DAB2IP: variants seen among roughly 807,000 people sequenced by gnomAD.
The protein encoded by DAB2IP is DAB2 interacting protein, also known as disabled homolog 2-interacting protein.
Under a neutral mutation model 107.2 loss-of-function variants are expected in DAB2IP, and 28 were observed. That is an observed-to-expected ratio of 0.26 (90% CI 0.19 to 0.36). The LOEUF (loss-of-function observed/expected upper bound fraction) is 0.36. Ranked by LOEUF, DAB2IP falls within the 10% of genes least tolerant of loss-of-function variation. The pLI is 1.00. For synonymous variants in DAB2IP, 755 were observed against 706.4 expected, an observed-to-expected ratio of 1.07 and a Z score of -1.09; for missense variants, 1,400 against 1,644.7, an observed-to-expected ratio of 0.85 and a Z score of 2.57.
chr9:121,707,383 CT>C (rs968026321), intron 3 of DAB2IP, among the ~76,000 whole-genome samples: 24 of 152,208 alleles, frequency 1.6e-4, no homozygotes, highest in Non-Finnish European at 3.2e-4. Context: ...TGGTACATTA[CT>C]GCATCAGATG....
At chr9:121,706,890 G>A (rs1291326412) in intron 3 of DAB2IP, among the ~76,000 whole-genome samples, 1 of 152,196 alleles carries the variant, frequency 6.6e-6, no homozygotes, top group Non-Finnish European at 1.5e-5. Context: ...AGGGGCGATG[G>A]GGTGAAAACC....
At chr9:121,573,359 G>A (rs1829994511) in intron 1 of DAB2IP, among the ~76,000 whole-genome samples, 1 of 151,940 alleles carries the variant, frequency 6.6e-6, no homozygotes, top group African/African-American at 2.4e-5. Flanking sequence ...TTACAGGCGT[G>A]AGCCACCGTG....
chr9:121,674,251 A>G (rs1833797938), intron 1 of DAB2IP, among the ~76,000 whole-genome samples: 1 of 152,138 alleles, frequency 6.6e-6, no homozygotes, highest in East Asian at 1.9e-4. Context: ...GCCAAACCAC[A>G]TGGAAGTTGA....
rs1157216810 is a variant in DAB2IP, at chr9:121,633,017, C to A, written c.41-45661C>A. On this transcript the variant is annotated intron_variant, in intron 1 of 16. Transcript: ENST00000259371. This position sits in a 1 kb window ranked among gnomAD's most constrained non-coding sequence, Gnocchi z 5.1. Reference sequence around the variant, plus strand: ...CTGCTCAGCTTCCCTCTCTCCCAGACTGAGGGGTTCCAGCTGCTCCGGGCA... The same window carrying A: ...CTGCTCAGCTTCCCTCTCTCCCAGAATGAGGGGTTCCAGCTGCTCCGGGCA... Among the ~76,000 whole-genome samples, 1 of 152,242 alleles carries A rather than the reference C, an allele frequency of 6.6e-6. No homozygotes were observed. The highest frequency in any genetic ancestry group is 2.4e-5 in the African/African-American group (1 of 41,472).
At chr9:121,695,245 G>A (rs961547531) in intron 2 of DAB2IP, among the ~76,000 whole-genome samples, 44 of 152,118 alleles carry the variant, frequency 2.9e-4, no homozygotes, top group African/African-American at 9.4e-4. Context: ...TCCCCCTGCC[G>A]GGCGGCCCAC....
intron 2 of DAB2IP, among the ~76,000 whole-genome samples, chr9:121,695,668 CATA>C (rs1829385672): frequency 6.6e-6 from 1 of 152,110 alleles, no homozygotes; most frequent in South Asian, 2.1e-4. Context: ...GCTAGGGGGT[CATA>C]GTCTGTCCCT....
chr9:121,641,789 TGCCTGCC>T lies in DAB2IP; in HGVS notation c.41-36888_41-36882del, dbSNP rs1832294251. 3.9e-4 allele frequency among the ~76,000 whole-genome samples: 59 copies of T among 152,112 alleles called. No individual in the cohort carries two copies. In the South Asian group the frequency reaches 0.012, roughly 30 times the overall value. ...CAGCCTGCCTGCCTGCCTGCCTGCC[TGCCTGCC>T]TACCTTCCTTCTTTCCTTCTTCCTT... On this transcript the variant is annotated intron_variant, in intron 1 of 16. Transcript: ENST00000259371.
intron 3 of DAB2IP, chr9:121,751,495 C>T (rs1034867069): frequency 6.6e-6 from 1 of 152,582 alleles, no homozygotes; most frequent in Non-Finnish European, 1.5e-5. Flanking sequence ...TGGGCTGGCC[C>T]TTGAAAACTG....
At chr9:121,621,128 G>A (rs1831447253) in intron 1 of DAB2IP, among the ~76,000 whole-genome samples, 1 of 151,962 alleles carries the variant, frequency 6.6e-6, no homozygotes, top group Admixed American at 6.6e-5. Context: ...GTTCCCCTTG[G>A]GCACCATCTC....
At position 121,651,772 on chromosome 9, in the gene DAB2IP, C is replaced by A; in HGVS notation, c.-4C>A. ...GCCCGGCCCGGTGCCCGGCGGGCGG[C>A]AGCATGTCCGCGGGCGGCAGCGCCA... On this transcript the variant is annotated 5_prime_UTR_variant, in exon 1 of 16. Coordinates refer to ENST00000408936, the Ensembl canonical transcript of DAB2IP. The surrounding 1 kb of genome is among the most constrained non-coding windows in gnomAD (Gnocchi z 5.1). 1 of 1,364,442 alleles carries A rather than the reference C, an allele frequency of 7.3e-7. No individual in the cohort carries two copies. Among genetic ancestry groups the A allele is most frequent in the Non-Finnish European group, 9.5e-7 (1 of 1,052,844 alleles). The allele number at this position is 1,364,442 out of a possible 1,614,324, so 84.5% of individuals were successfully genotyped here.
Position 121,635,962 on chromosome 9 carries a change from G to A in DAB2IP, c.41-42716G>A, listed in dbSNP as rs1422427445. ...CTGTCTCCCCAGGCTGGAGTGCAGT[G>A]GCACGATCTCGGCTCACTGCAACCT... On this transcript the variant is annotated intron_variant, in intron 1 of 16. Transcript: ENST00000259371. The surrounding 1 kb of genome is among the most constrained non-coding windows in gnomAD (Gnocchi z 4.3). Among the ~76,000 whole-genome samples, 1 of 152,184 alleles carries A rather than the reference G, an allele frequency of 6.6e-6. No homozygotes were observed. The highest frequency in any genetic ancestry group is 1.5e-5 in the Non-Finnish European group (1 of 68,016).
At chr9:121,714,903 T>G (rs76753357) in intron 3 of DAB2IP, among the ~76,000 whole-genome samples, 4,351 of 152,288 alleles carry the variant, frequency 0.029, 225 homozygotes, top group African/African-American at 0.099. Context: ...TGCAGTCCTG[T>G]TGGGTCTTAT....
At chr9:121,737,097 G>A (rs972219643) in intron 3 of DAB2IP, 1 of 801,710 alleles carries the variant, frequency 1.2e-6, no homozygotes, top group Non-Finnish European at 1.5e-6. Context: ...GCTTGGGGCA[G>A]GATATGACCT....
chr9:121,736,591 C>A lies in DAB2IP; in HGVS notation c.363-20422C>A, dbSNP rs1355768595. Among the ~76,000 whole-genome samples, 1 of 152,088 alleles carries A rather than the reference C, an allele frequency of 6.6e-6. No individual in the cohort carries two copies. Among genetic ancestry groups the A allele is most frequent in the African/African-American group, 2.4e-5 (1 of 41,536 alleles). ...GGAGGGCTGGGGCTGGGGCGGGCCG[C>A]TTCCGGGCTGGAGAGGGTTTGGGGC... On this transcript the variant is annotated intron_variant, in intron 3 of 15. Coordinates refer to ENST00000408936, the Ensembl canonical transcript of DAB2IP. This position sits in a 1 kb window ranked among gnomAD's most constrained non-coding sequence, Gnocchi z 4.6.
chr9:121,644,205 A>AGAAGAGGAAGAAGAG (rs1832457211), intron 1 of DAB2IP, among the ~76,000 whole-genome samples: 2 of 149,714 alleles, frequency 1.3e-5, no homozygotes, highest in East Asian at 2.0e-4. Context: ...AAGAAGAGGA[A>AGAAGAGGAAGAAGAG]GAAGAGGAAG....
At chr9:121,628,459 T>G (rs1026424435) in intron 1 of DAB2IP, among the ~76,000 whole-genome samples, 2 of 152,208 alleles carry the variant, frequency 1.3e-5, no homozygotes, top group African/African-American at 4.8e-5. Context: ...CACCTGGTCC[T>G]GGCTATGGGT....
At chr9:121,713,363 G>A (rs2118786277) in intron 3 of DAB2IP, among the ~76,000 whole-genome samples, 1 of 152,288 alleles carries the variant, frequency 6.6e-6, no homozygotes, top group Non-Finnish European at 1.5e-5. Context: ...AGTGTCTAGA[G>A]GGTGGAGGCA....
In DAB2IP at chr9:121,635,706, C is replaced by T. The variant is rs1226564466; in HGVS notation, c.41-42972C>T. ...GAGGGTGGGGCTTGAGGGTGGAGGCCATTCAAACACAAAGCACTCTGGGTG... is the reference window on the plus strand; with the variant it reads ...GAGGGTGGGGCTTGAGGGTGGAGGCTATTCAAACACAAAGCACTCTGGGTG... On this transcript the variant is annotated intron_variant, in intron 1 of 16. Coordinates refer to the DAB2IP transcript ENST00000259371. The surrounding 1 kb of genome is among the most constrained non-coding windows in gnomAD (Gnocchi z 4.3). Among the ~76,000 whole-genome samples the T allele has an allele frequency of 1.3e-5, 2 of 152,172 alleles. No individual in the cohort carries two copies. Among genetic ancestry groups the T allele is most frequent in the African/African-American group, 4.8e-5 (2 of 41,442 alleles).
rs149721980 is a variant in DAB2IP at position 121,643,389 on chromosome 9, C to T, written c.41-35289C>T. On this transcript the variant is annotated intron_variant, in intron 1 of 16. Transcript: ENST00000259371. Reference sequence around the variant, plus strand: ...CCCAGATCTCCCACCAGAGTTCTGCCCTTACCACTTCTCTTCTTCCCCTCT... The same window carrying T: ...CCCAGATCTCCCACCAGAGTTCTGCTCTTACCACTTCTCTTCTTCCCCTCT... Among the ~76,000 whole-genome samples the T allele has an allele frequency of 1.9e-3, 287 of 152,068 alleles. 4 individuals carry two copies. The highest frequency in any genetic ancestry group is 6.6e-3 in the African/African-American group (276 of 41,522).
Sources: allele counts gnomAD v4.1 joint callset (sites outside exome capture counted in the v4.1 genomes callset), GRCh38; gene constraint gnomAD v4.1.1; non-coding constraint Gnocchi (gnomAD v3.1); transcripts MANE v1.5; gene names NCBI Gene and HGNC (gene_info 2026-07-23, HGNC 2026-07-21).